Variants in ARSF observed in about 807,000 individuals in gnomAD.
ARSF encodes the protein arylsulfatase F.
A neutral mutation model predicts 35.4 loss-of-function variants in ARSF; 33 were observed. The observed-to-expected ratio is 0.93, with a 90% CI of 0.71 to 1.25. The LOEUF (loss-of-function observed/expected upper bound fraction) is 1.25. Among genes scored for constraint, ARSF ranks in the 50% most tolerant of loss-of-function variants. The pLI is 0.00. For synonymous variants in ARSF, 222 were observed against 193.1 expected (o/e 1.15, Z -1.24); for missense variants, 501 against 480.2 (o/e 1.04, Z -0.40).
intron 1 of ARSF, among the ~76,000 whole-genome samples, chrX:3,061,321 A>G (rs1224794263): frequency 9.0e-6 from 1 of 111,660 alleles, no homozygotes; most frequent in Non-Finnish European, 1.9e-5. Flanking sequence ...ATGGAAAGGA[A>G]CAACCAGTAC....
chrX:3,070,529 C>T (rs761061169), intron 2 of ARSF, among the ~76,000 whole-genome samples: 1 of 111,345 alleles, frequency 9.0e-6, no homozygotes, highest in South Asian at 3.9e-4. Context: ...TGATTTGCCC[C>T]TGAGTACGTG....
In ARSF at chrX:3,101,199, T is replaced by G. The variant is rs1219396434; in HGVS notation, c.1080T>G (p.Gly360=). ...LEARRGHAQL[G]GWNGIYKGGK... is the part of the protein sequence containing the mutation. ...CTAGGCGAGGGCATGCCCAACTTGGTGGATGGAATGGAATATACAAAGGTG... is the reference window on the plus strand; with the variant it reads ...CTAGGCGAGGGCATGCCCAACTTGGGGGATGGAATGGAATATACAAAGGTG... Residue 360 remains glycine, a synonymous_variant, in exon 8 of 11, where the codon GGT becomes GGG. Transcript: ENST00000381127. 1 of 1,211,156 alleles carries G rather than the reference T, an allele frequency of 8.3e-7. No homozygotes were observed. Among genetic ancestry groups the G allele is most frequent in the Admixed American group, 2.2e-5 (1 of 45,937 alleles).
rs147846680 is a variant in ARSF at position 3,061,710 on chromosome X, G to A, written c.-28-6363G>A. On this transcript the variant is annotated intron_variant, in intron 1 of 10. Coordinates refer to ENST00000381127, the MANE Select transcript of ARSF (RefSeq NM_001201539.2). ...GAGATCAAAAGAGAGAAAGAAGGCC[G>A]TTACATAATGGTAAAGGGATCAATT... Among the ~76,000 whole-genome samples the A allele has an allele frequency of 1.4e-3, 160 of 111,075 alleles. 1 individual carries two copies. In the South Asian group the frequency reaches 0.021, roughly 15 times the overall value.
chrX:3,054,446 T>C (rs751788175), intron 1 of ARSF, among the ~76,000 whole-genome samples: 3 of 109,536 alleles, frequency 2.7e-5, no homozygotes, highest in Non-Finnish European at 5.7e-5. Flanking sequence ...CCTCCTCAAT[T>C]ATTATTATTA....
At chrX:3,111,466 C>T (rs111945581) in intron 10 of ARSF, among the ~76,000 whole-genome samples, 1 of 110,899 alleles carries the variant, frequency 9.0e-6, no homozygotes, top group East Asian at 2.8e-4. Flanking sequence ...CTCAAACATG[C>T]ATAATTTCTT....
intron 1 of ARSF, among the ~76,000 whole-genome samples, chrX:3,054,133 G>A (rs1400439526): frequency 9.0e-6 from 1 of 111,363 alleles, no homozygotes; most frequent in Non-Finnish European, 1.9e-5. Context: ...GGTCCCAGCT[G>A]CACACTCACT....
At chrX:3,056,381 T>C (rs969726483) in intron 1 of ARSF, among the ~76,000 whole-genome samples, 2 of 109,161 alleles carry the variant, frequency 1.8e-5, no homozygotes, top group Non-Finnish European at 3.8e-5. Context: ...GTTCAAGTGA[T>C]TCTCCTGTCT....
intron 1 of ARSF, among the ~76,000 whole-genome samples, chrX:3,062,921 A>G (rs1237921030): frequency 8.9e-6 from 1 of 112,019 alleles, no homozygotes; most frequent in Non-Finnish European, 1.9e-5. Context: ...TCCAATCAAT[A>G]GAAAAAGAGG....
chrX:3,048,085 A>G (rs1250011369), intron 1 of ARSF, among the ~76,000 whole-genome samples: 1 of 111,751 alleles, frequency 8.9e-6, no homozygotes, highest in Non-Finnish European at 1.9e-5. Flanking sequence ...CCAGAATTCA[A>G]TTATCTCCCA....
At chrX:3,065,737 A>AT (rs1354992712) in intron 1 of ARSF, among the ~76,000 whole-genome samples, 1 of 110,707 alleles carries the variant, frequency 9.0e-6, no homozygotes, top group Non-Finnish European at 1.9e-5. Context: ...TTTTTAGACA[A>AT]TTCCAGTTCA....
chrX:3,074,615 T>C (rs2090132955), intron 3 of ARSF, among the ~76,000 whole-genome samples: 1 of 111,686 alleles, frequency 9.0e-6, no homozygotes, highest in Non-Finnish European at 1.9e-5. Flanking sequence ...GGATCCATTG[T>C]GGAATAGCTA....
chrX:3,109,365 G>A (rs1454398648), intron 9 of ARSF, among the ~76,000 whole-genome samples: 1 of 111,572 alleles, frequency 9.0e-6, no homozygotes, highest in African/African-American at 3.3e-5. Flanking sequence ...GTATTATTAT[G>A]TGTCCCATTA....
chrX:3,076,444 C>A, intron 3 of ARSF, 104 bp from the exon 4 acceptor site: 2 of 940,139 alleles, frequency 2.1e-6, no homozygotes, highest in Non-Finnish European at 2.9e-6. Context: ...TCCACCTGTG[C>A]CTTTCTGTTT....
At chrX:3,068,579 C>T (rs760412440) in intron 2 of ARSF, among the ~76,000 whole-genome samples, 73 of 110,133 alleles carry the variant, frequency 6.6e-4, no homozygotes, top group South Asian at 7.9e-4. Context: ...ATCGCCACGC[C>T]CAGCTAATTT....
intron 2 of ARSF, among the ~76,000 whole-genome samples, chrX:3,071,081 C>T (rs1301240060): frequency 3.6e-5 from 4 of 110,380 alleles, no homozygotes; most frequent in East Asian, 2.9e-4. Context: ...AAGAGTGTCT[C>T]GCTCCAAGCA....
At position 3,043,961 on chromosome X, in the gene ARSF, A is replaced by AT. The variant is rs1187902949; in HGVS notation, c.-29+2304dup. 2.7e-5 allele frequency among the ~76,000 whole-genome samples: 3 copies of AT among 110,124 alleles called. No homozygotes were observed. The Admixed American group carries it at 2.9e-4, about 11-fold the overall frequency. On this transcript the variant is annotated intron_variant, in intron 1 of 10. Coordinates refer to ENST00000381127, the MANE Select transcript of ARSF (RefSeq NM_001201539.2). ...CTATCTCGCCCAGCTAATTTTTTGT[A>AT]TTTTTTATGTAGAGATGGGGTTTTG... is the stretch of plus-strand genomic sequence containing the variant.
intron 2 of ARSF, among the ~76,000 whole-genome samples, chrX:3,069,504 T>C (rs1245119006): frequency 1.8e-5 from 2 of 109,636 alleles, no homozygotes; most frequent in African/African-American, 6.6e-5. Flanking sequence ...TTACATTTTT[T>C]TGTAGGGATG....
Position 3,084,521 on chromosome X carries a change from T to C in ARSF, c.685T>C (p.Leu229=), listed in dbSNP as rs767941559. Residue 229 remains leucine (L), a synonymous_variant, in exon 6 of 11, where the codon TTG becomes CTG. Coordinates refer to ENST00000381127, the MANE Select transcript of ARSF (RefSeq NM_001201539.2). The part of the protein sequence containing the change: ...IFSMILFIFL[L]GYAWFSSHTS... ...CTCCATGATTCTGTTTATTTTCCTC[T>C]TGGGCTATGCTTGGTTCTCCAGCCA... is the stretch of plus-strand genomic sequence containing the variant. 9 of 1,211,534 alleles carry C rather than the reference T, an allele frequency of 7.4e-6. No homozygotes were observed. The South Asian group carries it at 1.6e-4, about 21-fold the overall frequency.
intron 7 of ARSF, among the ~76,000 whole-genome samples, chrX:3,097,700 T>C (rs1304094537): frequency 8.9e-6 from 1 of 111,892 alleles, no homozygotes; most frequent in African/African-American, 3.3e-5. Context: ...AACAGTAAAA[T>C]GGTTAAATAA....
Sources: allele counts gnomAD v4.1 joint callset (sites outside exome capture counted in the v4.1 genomes callset), GRCh38; gene constraint gnomAD v4.1.1; transcripts MANE v1.5; gene names NCBI Gene and HGNC (gene_info 2026-07-23, HGNC 2026-07-21).